Variants in AQP7B observed in about 807,000 individuals in gnomAD.
AQP7B encodes aquaporin 7B.
At chr2:94,604,389 G>T in the AQP7B span, 3 of 1,611,394 alleles carry the variant, frequency 1.9e-6, no homozygotes, top group Non-Finnish European at 2.5e-6. Flanking sequence ...ACCATCCCAC[G>T]GGAGCCCCTG....
chr2:94,593,820 G>T, the AQP7B span, among the ~76,000 whole-genome samples: 3 of 151,764 alleles, frequency 2.0e-5, no homozygotes, highest in African/African-American at 4.8e-5. Context: ...GTCCCACCCC[G>T]CCACCTTCCC....
At chr2:94,603,048 A>G in the AQP7B span, 3 of 1,597,874 alleles carry the variant, frequency 1.9e-6, no homozygotes, top group Non-Finnish European at 2.6e-6. Context: ...AGCCCACATG[A>G]ATGCAGCTGT....
the AQP7B span, chr2:94,594,752 G>A: frequency 1.7e-4 from 271 of 1,578,146 alleles, no homozygotes; most frequent in Middle Eastern, 1.7e-4. Flanking sequence ...AGGTCCACCC[G>A]TGGCTCCAAA....
chr2:94,604,235 G>T, the AQP7B span: 4 of 1,503,012 alleles, frequency 2.7e-6, no homozygotes, highest in South Asian at 1.3e-5. Flanking sequence ...GGTGGATGAG[G>T]GTGCTGTCCT....
At chr2:94,590,187 T>A in the AQP7B span, among the ~76,000 whole-genome samples, 2 of 152,062 alleles carry the variant, frequency 1.3e-5, no homozygotes, top group African/African-American at 2.4e-5. Flanking sequence ...TCAACAAAAA[T>A]TTTTTCTTTT....
the AQP7B span, among the ~76,000 whole-genome samples, chr2:94,587,544 G>A: frequency 6.6e-6 from 1 of 152,144 alleles, no homozygotes; most frequent in African/African-American, 2.4e-5. Flanking sequence ...GGCTGGGAGT[G>A]GAAGTCCCGG....
At chr2:94,588,665 C>T in the AQP7B span, 1 of 785,794 alleles carries the variant, frequency 1.3e-6, no homozygotes, top group Non-Finnish European at 2.1e-6. Flanking sequence ...CCCTTGACCT[C>T]CTCCTCCCCA....
At chr2:94,599,565 T>C in the AQP7B span, among the ~76,000 whole-genome samples, 1 of 152,160 alleles carries the variant, frequency 6.6e-6, no homozygotes, top group African/African-American at 2.4e-5. Flanking sequence ...ACCACCCGTG[T>C]ATCCACATAT....
chr2:94,597,616 T>TG, the AQP7B span, among the ~76,000 whole-genome samples: 2 of 151,616 alleles, frequency 1.3e-5, no homozygotes, highest in African/African-American at 4.9e-5. Flanking sequence ...TTTTTTGTTT[T>TG]TTTTTTTTTG....
chr2:94,597,670 T>C, the AQP7B span, among the ~76,000 whole-genome samples: 42 of 149,024 alleles, frequency 2.8e-4, no homozygotes, highest in East Asian at 8.1e-3. Context: ...AGTGGTGCAA[T>C]CTCGGCTCAC....
At chr2:94,588,548 G>A in the AQP7B span, 2 of 870,856 alleles carry the variant, frequency 2.3e-6, no homozygotes, top group South Asian at 1.5e-5. Flanking sequence ...GGCACAGGCG[G>A]TAAGTACCCC....
At chr2:94,588,983 C>CTTTTTTTTT in the AQP7B span, among the ~76,000 whole-genome samples, 1 of 135,404 alleles carries the variant, frequency 7.4e-6, no homozygotes, top group Middle Eastern at 3.5e-3. Flanking sequence ...GTTTTTTTTT[C>CTTTTTTTTT]TTTTTTTTTT....
the AQP7B span, among the ~76,000 whole-genome samples, chr2:94,596,391 T>C: frequency 6.6e-6 from 1 of 152,094 alleles, no homozygotes; most frequent in South Asian, 2.1e-4. Flanking sequence ...AGGGGCAGCC[T>C]CTGGGAAGGG....
the AQP7B span, among the ~76,000 whole-genome samples, chr2:94,593,784 C>G: frequency 6.6e-6 from 1 of 151,968 alleles, no homozygotes; most frequent in South Asian, 2.1e-4. Flanking sequence ...CCGGGCCCAG[C>G]CCCTCTTCTT....
the AQP7B span, chr2:94,603,618 G>A: frequency 1.9e-4 from 245 of 1,320,010 alleles, 1 homozygote; most frequent in African/African-American, 2.4e-3. Context: ...GTACTGAGAC[G>A]TCTCTCTGCT....
At chr2:94,589,717 T>C in the AQP7B span, among the ~76,000 whole-genome samples, 5 of 152,014 alleles carry the variant, frequency 3.3e-5, no homozygotes. Flanking sequence ...ATCCTGTTTC[T>C]AGAGACCCAC....
At chr2:94,590,965 A>AAAAG in the AQP7B span, among the ~76,000 whole-genome samples, 141 of 150,016 alleles carry the variant, frequency 9.4e-4, no homozygotes, top group East Asian at 1.8e-3. Context: ...AAAAAAAAAA[A>AAAAG]AAAGAAAGAA....
At chr2:94,600,038 C>A in the AQP7B span, among the ~76,000 whole-genome samples, 1 of 151,996 alleles carries the variant, frequency 6.6e-6, no homozygotes, top group African/African-American at 2.4e-5. Flanking sequence ...ACCACCACGC[C>A]TGGCTAATTT....
At chr2:94,602,846 G>A in the AQP7B span, among the ~76,000 whole-genome samples, 18 of 152,154 alleles carry the variant, frequency 1.2e-4, no homozygotes, top group Non-Finnish European at 2.2e-4. Context: ...GCAAGCCATC[G>A]CCTTCTGTGT....
Sources: allele counts gnomAD v4.1 joint callset (sites outside exome capture counted in the v4.1 genomes callset), GRCh38; gene constraint gnomAD v4.1.1; transcripts MANE v1.5; gene names NCBI Gene and HGNC (gene_info 2026-07-23, HGNC 2026-07-21).